The following ZNF367 variants were observed in gnomAD, a reference collection of about 807,000 sequenced individuals.
ZNF367 encodes the protein zinc finger protein 367.
A neutral mutation model predicts 31.8 loss-of-function variants in ZNF367; 11 were observed. The observed-to-expected ratio is 0.35, with a 90% CI of 0.22 to 0.57. ZNF367 has a LOEUF of 0.57. ZNF367 is among the 20% of genes least tolerant of loss of function. ZNF367 has a pLI of 0.85. For missense variants in ZNF367, 353 were observed against 484.1 expected, an observed-to-expected ratio of 0.73 and a Z score of 2.54; for synonymous variants, 199 against 202.4, an observed-to-expected ratio of 0.98 and a Z score of 0.14.
At chr9:96,405,749 A>G (rs1010225195) in intron 1 of ZNF367, among the ~76,000 whole-genome samples, 7 of 152,230 alleles carry the variant, frequency 4.6e-5, no homozygotes, top group African/African-American at 1.4e-4. Flanking sequence ...AGGTAAATCC[A>G]TAGAGACAGA....
In ZNF367 at chr9:96,418,047, C is replaced by A; in HGVS notation, c.-15G>T. 1 of 1,356,806 alleles carries A rather than the reference C, an allele frequency of 7.4e-7. No individual in the cohort carries two copies. Among genetic ancestry groups the A allele is most frequent in the South Asian group, 1.7e-5 (1 of 57,506 alleles). The allele number at this position is 1,356,806 out of a possible 1,614,324, so 84.0% of individuals were successfully genotyped here. A position where few individuals can be genotyped will look rare whatever the true frequency, so the allele number is the denominator to read the frequency against. ...CCCCGGATCATCGCCCGGCCCGACC[C>A]CCAGCTCCGGCGGCCCCGGGCCGCA... is the stretch of plus-strand genomic sequence containing the variant. On this transcript the variant is annotated 5_prime_UTR_variant, in exon 1 of 5. Coordinates refer to ENST00000375256, the MANE Select transcript of ZNF367 (RefSeq NM_153695.4).
chr9:96,410,548 A>G (rs1283083770), intron 1 of ZNF367, among the ~76,000 whole-genome samples: 4 of 120,514 alleles, frequency 3.3e-5, no homozygotes, highest in African/African-American at 9.9e-5. Context: ...GGCAACAGAG[A>G]GAGACTCCGT....
At chr9:96,394,684 A>G in intron 3 of ZNF367, 139 bp downstream of exon 3, 1 of 875,138 alleles carries the variant, frequency 1.1e-6, no homozygotes, top group Non-Finnish European at 1.7e-6. Context: ...ATGTATCACA[A>G]TTATCAAAGA....
Position 96,417,911 on chromosome 9 carries a change from T to G in ZNF367, c.122A>C (p.Lys41Thr). The change falls in exon 1 of 5, where the codon AAG becomes ACG. Residue 41 changes from lysine to threonine, a missense_variant. By Grantham distance (78) the Lys-to-Thr change is moderately conservative. Coordinates refer to ENST00000375256, the MANE Select transcript of ZNF367 (RefSeq NM_153695.4). The surrounding 1 kb of genome is among the most constrained non-coding windows in gnomAD (Gnocchi z 5.0). ...LVSVIRTTPI[K>T]PTCGGGGEPE... is the part of the protein sequence containing the mutation. ...CTCCCCTCCACCGCCGCACGTTGGCTTGATCGGGGTCGTCCTGATGACCGA... is the reference window on the plus strand; with the variant it reads ...CTCCCCTCCACCGCCGCACGTTGGCGTGATCGGGGTCGTCCTGATGACCGA... 1 of 1,521,044 alleles carries G rather than the reference T, an allele frequency of 6.6e-7. No homozygotes were observed. Among genetic ancestry groups the G allele is most frequent in the Non-Finnish European group, 8.7e-7 (1 of 1,143,122 alleles). 94.2% of individuals were successfully genotyped at this position (1,521,044 alleles called of 1,614,324 possible).
At chr9:96,410,010 T>C (rs1303916174) in intron 1 of ZNF367, among the ~76,000 whole-genome samples, 1 of 152,190 alleles carries the variant, frequency 6.6e-6, no homozygotes, top group Non-Finnish European at 1.5e-5. Context: ...GCGCGGTGGC[T>C]CACGCCTGTA....
chr9:96,405,314 C>CAAAAAAAAAAAAAAAAA, intron 1 of ZNF367, among the ~76,000 whole-genome samples: 1 of 55,144 alleles, frequency 1.8e-5, no homozygotes, highest in Non-Finnish European at 3.7e-5. Flanking sequence ...AACTCTGTCT[C>CAAAAAAAAAAAAAAAAA]AAAAAAAAAA....
chr9:96,402,846 C>T (rs1203989130), intron 1 of ZNF367, among the ~76,000 whole-genome samples: 2 of 151,900 alleles, frequency 1.3e-5, no homozygotes, highest in African/African-American at 2.4e-5. Context: ...ATAGACCATA[C>T]GTTAGACCAC....
chr9:96,391,360 CAGGG>C (rs1394003322), intron 4 of ZNF367, among the ~76,000 whole-genome samples: 1 of 152,162 alleles, frequency 6.6e-6, no homozygotes. Flanking sequence ...CTGAGCAGGT[CAGGG>C]AGGCCTTCCT....
rs775723569 is a variant in ZNF367, at chr9:96,392,475, C to T, written c.753G>A (p.Leu251=). Residue 251 remains leucine (L), a synonymous_variant, in exon 4 of 5, where the codon CTG becomes CTA. Coordinates refer to ENST00000375256, the MANE Select transcript of ZNF367 (RefSeq NM_153695.4). ...RHCPKHPYAR[L]KREEPTDTLS... ...GTGTGTCCGTGGGCTCCTCTCTCTTCAGCCTGGCGTAGGGGTGCTTCGGAC... is the reference window on the plus strand; with the variant it reads ...GTGTGTCCGTGGGCTCCTCTCTCTTTAGCCTGGCGTAGGGGTGCTTCGGAC... The T allele has an allele frequency of 3.7e-6, 6 of 1,614,078 alleles. No homozygotes were observed. In the Middle Eastern group the frequency reaches 6.6e-4, roughly 178 times the overall value.
At chr9:96,411,095 G>A (rs976383121) in intron 1 of ZNF367, among the ~76,000 whole-genome samples, 1 of 151,178 alleles carries the variant, frequency 6.6e-6, no homozygotes, top group African/African-American at 2.4e-5. Flanking sequence ...TACTCAGGAG[G>A]ATCACTTGAA....
intron 1 of ZNF367, among the ~76,000 whole-genome samples, chr9:96,413,835 C>A (rs1241867401): frequency 1.3e-5 from 2 of 152,132 alleles, no homozygotes; most frequent in Non-Finnish European, 2.9e-5. Flanking sequence ...AGGACTCAGA[C>A]GCTGACACCT....
chr9:96,388,171 C>G lies in ZNF367; in HGVS notation c.*66G>C, dbSNP rs1443653686. 3 of 1,479,720 alleles carry G rather than the reference C, an allele frequency of 2.0e-6. No homozygotes were observed. 91.7% of individuals were successfully genotyped at this position (1,479,720 alleles called of 1,614,324 possible). On this transcript the variant is annotated 3_prime_UTR_variant, in exon 5 of 5. Transcript: ENST00000375256. ...AAGCAAATAAGGTGCTTAGCTTATG[C>G]CCAAGGATCTACTTTTTAAGTATGC...
intron 4 of ZNF367, among the ~76,000 whole-genome samples, chr9:96,389,140 A>G (rs1370067632): frequency 6.6e-6 from 1 of 152,048 alleles, no homozygotes; most frequent in African/African-American, 2.4e-5. Flanking sequence ...TGTACTAAAA[A>G]TACAAAAAAA....
intron 1 of ZNF367, among the ~76,000 whole-genome samples, chr9:96,402,444 CTTTTTTTTTTT>C (rs1174997133): frequency 7.6e-5 from 5 of 66,098 alleles, no homozygotes; most frequent in Non-Finnish European, 1.3e-4. Context: ...TTCTTTCTTT[CTTTTTTTTTTT>C]TTTTTTTTTT....
intron 4 of ZNF367, among the ~76,000 whole-genome samples, chr9:96,389,180 A>G (rs1199733315): frequency 6.6e-6 from 1 of 151,968 alleles, no homozygotes; most frequent in Non-Finnish European, 1.5e-5. Flanking sequence ...GGCACCTGTA[A>G]TCCCAGCTAC....
intron 1 of ZNF367, among the ~76,000 whole-genome samples, chr9:96,414,487 T>G (rs1350536180): frequency 1.4e-5 from 2 of 143,436 alleles, no homozygotes; most frequent in East Asian, 3.9e-4. Context: ...TTGTTAGCAA[T>G]TTTTTTTTTT....
At chr9:96,401,521 G>T (rs1831603700) in intron 1 of ZNF367, among the ~76,000 whole-genome samples, 1 of 152,122 alleles carries the variant, frequency 6.6e-6, no homozygotes, top group Non-Finnish European at 1.5e-5. Flanking sequence ...GCCGGGCATG[G>T]TGGTGCATGC....
chr9:96,402,444 CTTTTTTTT>C (rs1174997133), intron 1 of ZNF367, among the ~76,000 whole-genome samples: 422 of 66,122 alleles, frequency 6.4e-3, no homozygotes, highest in African/African-American at 0.027. Context: ...TTCTTTCTTT[CTTTTTTTT>C]TTTTTTTTTT....
At chr9:96,390,068 G>A (rs1012828697) in intron 4 of ZNF367, among the ~76,000 whole-genome samples, 12 of 151,602 alleles carry the variant, frequency 7.9e-5, no homozygotes, top group African/African-American at 9.7e-5. Flanking sequence ...GTGAGGCACC[G>A]CACCAGGCCT....
Sources: allele counts gnomAD v4.1 joint callset (sites outside exome capture counted in the v4.1 genomes callset), GRCh38; gene constraint gnomAD v4.1.1; non-coding constraint Gnocchi (gnomAD v3.1); transcripts MANE v1.5; gene names NCBI Gene and HGNC (gene_info 2026-07-23, HGNC 2026-07-21).